Variants in SSBP2 observed in about 807,000 individuals in gnomAD.
The protein encoded by SSBP2 is single stranded DNA binding protein 2, also known as single-stranded DNA-binding protein 2.
SSBP2 carries 17 observed loss-of-function variants against 61.8 expected under a neutral mutation model. That is an observed-to-expected ratio of 0.28 (90% CI 0.19 to 0.41). The LOEUF (loss-of-function observed/expected upper bound fraction) is 0.41, where lower values mean the gene tolerates loss of function less well. Ranked by LOEUF, SSBP2 falls within the 10% of genes least tolerant of loss-of-function variation. SSBP2 has a pLI of 1.00. For missense variants in SSBP2, 310 were observed against 458.7 expected (o/e 0.68, Z 2.96); for synonymous variants, 139 against 141.3 (o/e 0.98, Z 0.12).
chr5:81,578,636 G>C (rs1486209748), intron 4 of SSBP2, among the ~76,000 whole-genome samples: 2 of 151,804 alleles, frequency 1.3e-5, no homozygotes, highest in Non-Finnish European at 2.9e-5. Flanking sequence ...TAGTGATTAA[G>C]AGTGAGAAAG....
chr5:81,466,402 CAAA>C (rs2154008840), intron 9 of SSBP2, among the ~76,000 whole-genome samples: 1 of 152,028 alleles, frequency 6.6e-6, no homozygotes, highest in African/African-American at 2.4e-5. Flanking sequence ...TTTTTCAAAA[CAAA>C]ATTCATCCTA....
chr5:81,506,880 T>C, intron 5 of SSBP2, among the ~76,000 whole-genome samples: 3 of 152,262 alleles, frequency 2.0e-5, no homozygotes, highest in Middle Eastern at 6.8e-3. Context: ...TATTAAATAA[T>C]TATTTTTCTC....
At chr5:81,617,801 C>T (rs1746201655) in intron 3 of SSBP2, among the ~76,000 whole-genome samples, 2 of 97,802 alleles carry the variant, frequency 2.0e-5, no homozygotes, top group Admixed American at 2.3e-4. Context: ...CAATATTCAA[C>T]ATTCTTAAAG....
At chr5:81,632,519 T>C (rs1180796536) in intron 3 of SSBP2, among the ~76,000 whole-genome samples, 1 of 152,176 alleles carries the variant, frequency 6.6e-6, no homozygotes, top group African/African-American at 2.4e-5. Flanking sequence ...TTATTAGGAA[T>C]AGAAGAAATG....
intron 1 of SSBP2, among the ~76,000 whole-genome samples, chr5:81,657,472 A>AT (rs1726029618): frequency 6.6e-6 from 1 of 152,246 alleles, no homozygotes; most frequent in South Asian, 2.1e-4. Context: ...GAAAAAGAGT[A>AT]TAAGGAAATA....
Position 81,550,822 on chromosome 5 carries a change from C to T in SSBP2, c.283-37105G>A, listed in dbSNP as rs1264159328. Among the ~76,000 whole-genome samples the T allele has an allele frequency of 3.3e-5, 5 of 152,290 alleles. No individual in the cohort carries two copies. In the South Asian group the frequency reaches 8.3e-4, roughly 25 times the overall value. On this transcript the variant is annotated intron_variant, in intron 4 of 16. Coordinates refer to ENST00000320672, the MANE Select transcript of SSBP2 (RefSeq NM_012446.5). The stretch of plus-strand genomic sequence containing the variant: ...TTTAGAAATCATAGAAGAGGCCAGG[C>T]GCGGTGGCTCACACCTGTAATCCCA...
At chr5:81,614,247 C>A (rs2153600095) in intron 4 of SSBP2, among the ~76,000 whole-genome samples, 1 of 151,338 alleles carries the variant, frequency 6.6e-6, no homozygotes, top group South Asian at 2.1e-4. Context: ...GTAATCCCAG[C>A]TACTTGGGAG....
At chr5:81,631,264 A>G (rs895885751) in intron 3 of SSBP2, among the ~76,000 whole-genome samples, 2 of 152,126 alleles carry the variant, frequency 1.3e-5, no homozygotes, top group Non-Finnish European at 2.9e-5. Context: ...GGAAACCCAC[A>G]ACCACAACTG....
intron 4 of SSBP2, among the ~76,000 whole-genome samples, chr5:81,547,751 A>C (rs1216571985): frequency 1.3e-5 from 2 of 152,230 alleles, no homozygotes; most frequent in African/African-American, 2.4e-5. Context: ...GGAATTAAAC[A>C]TATGAGCCAC....
At chr5:81,491,397 T>C (rs1766843612) in intron 5 of SSBP2, among the ~76,000 whole-genome samples, 1 of 152,336 alleles carries the variant, frequency 6.6e-6, no homozygotes, top group Middle Eastern at 3.4e-3. Flanking sequence ...AGAAGAACAC[T>C]TGAGATCTGC....
At chr5:81,742,926 A>G (rs779214787) in intron 1 of SSBP2, among the ~76,000 whole-genome samples, 3 of 152,136 alleles carry the variant, frequency 2.0e-5, no homozygotes, top group Non-Finnish European at 4.4e-5. Context: ...TAAATATGAA[A>G]AAGAAAAAAG....
chr5:81,548,168 G>A (rs775135891), intron 4 of SSBP2, among the ~76,000 whole-genome samples: 2 of 152,188 alleles, frequency 1.3e-5, no homozygotes, highest in Non-Finnish European at 2.9e-5. Flanking sequence ...TGACTGATCA[G>A]AGTGGTAGTT....
At chr5:81,683,015 GAAAT>G (rs1274009381) in intron 1 of SSBP2, among the ~76,000 whole-genome samples, 1 of 151,996 alleles carries the variant, frequency 6.6e-6, no homozygotes, top group Admixed American at 6.6e-5. Context: ...CATCAAAAAA[GAAAT>G]AAGTAAATGA....
At chr5:81,611,515 A>T (rs1233283954) in intron 4 of SSBP2, among the ~76,000 whole-genome samples, 5 of 152,150 alleles carry the variant, frequency 3.3e-5, no homozygotes, top group Non-Finnish European at 5.9e-5. Context: ...AATTTTATGA[A>T]TTTTACATCT....
chr5:81,575,583 C>A (rs6452419), intron 4 of SSBP2, among the ~76,000 whole-genome samples: 70,175 of 151,778 alleles, frequency 0.46, 20,843 homozygotes, highest in African/African-American at 0.85. Flanking sequence ...TTCAAACTAA[C>A]ATAAGACAAT....
intron 1 of SSBP2, among the ~76,000 whole-genome samples, chr5:81,664,102 T>A (rs1349782902): frequency 6.6e-6 from 1 of 150,430 alleles, no homozygotes; most frequent in Non-Finnish European, 1.5e-5. Flanking sequence ...TGTACTTTTT[T>A]AACTTTTTTT....
intron 1 of SSBP2, among the ~76,000 whole-genome samples, chr5:81,746,790 A>G (rs1412006231): frequency 6.6e-6 from 1 of 152,082 alleles, no homozygotes; most frequent in Non-Finnish European, 1.5e-5. Context: ...TATTATGTGT[A>G]TCTTTTATGT....
At chr5:81,544,261 C>A (rs561310780) in intron 4 of SSBP2, among the ~76,000 whole-genome samples, 29 of 152,124 alleles carry the variant, frequency 1.9e-4, no homozygotes, top group Non-Finnish European at 3.8e-4. Flanking sequence ...CTTGGCCAGG[C>A]TGGTCTTCAA....
chr5:81,738,615 A>T (rs1182727447), intron 1 of SSBP2, among the ~76,000 whole-genome samples: 1 of 152,156 alleles, frequency 6.6e-6, no homozygotes, highest in African/African-American at 2.4e-5. Context: ...AAAGTCTGTG[A>T]CTAAAACTTC....
Sources: gnomAD v4.1 joint callset for allele counts (sites outside exome capture counted in the v4.1 genomes callset) on GRCh38, gnomAD v4.1.1 for gene constraint, MANE v1.5 for transcripts, NCBI Gene and HGNC (gene_info 2026-07-23, HGNC 2026-07-21) for gene names.